Variants in NPSR1 observed in about 807,000 individuals in gnomAD.
NPSR1 encodes the protein neuropeptide S receptor.
A neutral mutation model predicts 46.9 loss-of-function variants in NPSR1; 48 were observed. The ratio of observed to expected loss-of-function variants is 1.02; its 90% CI spans 0.81 to 1.30. The LOEUF (loss-of-function observed/expected upper bound fraction) is 1.30. Ranked by LOEUF, NPSR1 falls within the 50% of genes most tolerant of loss-of-function variation. The probability of loss-of-function intolerance (pLI) is 0.00; values close to 1 mark genes in which losing one functional copy is unlikely to be tolerated. For missense variants in NPSR1, 450 were observed against 449.5 expected, an observed-to-expected ratio of 1.00 and a Z score of -0.01; for synonymous variants, 176 against 168.1, an observed-to-expected ratio of 1.05 and a Z score of -0.36.
intron 2 of NPSR1, among the ~76,000 whole-genome samples, chr7:34,745,611 T>C: frequency 6.6e-6 from 1 of 152,156 alleles, no homozygotes; most frequent in East Asian, 1.9e-4. Flanking sequence ...CTTGAACTCC[T>C]AGGCTCAAGC....
intron 2 of NPSR1, among the ~76,000 whole-genome samples, chr7:34,716,120 G>A (rs986059256): frequency 6.6e-6 from 1 of 152,148 alleles, no homozygotes; most frequent in Non-Finnish European, 1.5e-5. Flanking sequence ...ATGCAAATGG[G>A]TGATCTATGC....
intron 2 of NPSR1, among the ~76,000 whole-genome samples, chr7:34,708,701 C>G (rs930530180): frequency 2.6e-5 from 4 of 152,176 alleles, no homozygotes; most frequent in African/African-American, 9.7e-5. Flanking sequence ...TATTGGAAAC[C>G]TTTTGAATAT....
chr7:34,660,091 C>T (rs765051447), intron 1 of NPSR1: 3 of 456,340 alleles, frequency 6.6e-6, no homozygotes, highest in East Asian at 7.0e-5. Flanking sequence ...TCCCACCTTG[C>T]TCTCTATGAG....
At chr7:34,816,188 T>A (rs13307404) in intron 4 of NPSR1, among the ~76,000 whole-genome samples, 1 of 141,960 alleles carries the variant, frequency 7.0e-6, no homozygotes, top group African/African-American at 2.7e-5. Flanking sequence ...TGTGCAGAGA[T>A]ACACATAGGC....
At position 34,849,808 on chromosome 7, in the gene NPSR1, G is replaced by A; in HGVS notation, c.*153G>A. On this transcript the variant is annotated 3_prime_UTR_variant, in exon 9 of 9. Coordinates refer to ENST00000360581, the MANE Select transcript of NPSR1 (RefSeq NM_207172.2). ...AAGACAAATGTTCTAATGACTGCAT[G>A]CACTGCTTAAGTATTGGCCAACACG... 1 of 1,445,168 alleles carries A rather than the reference G, an allele frequency of 6.9e-7. No homozygotes were observed. Among genetic ancestry groups the A allele is most frequent in the Non-Finnish European group, 9.1e-7 (1 of 1,100,530 alleles). 89.5% of individuals were successfully genotyped at this position (1,445,168 alleles called of 1,614,324 possible).
chr7:34,852,289 G>C (rs1163973846), downstream of NPSR1, among the ~76,000 whole-genome samples: 1 of 152,030 alleles, frequency 6.6e-6, no homozygotes, highest in African/African-American at 2.4e-5. Context: ...GAGAGAGCGA[G>C]AATCCGTCTC....
chr7:34,827,630 C>CAG, intron 5 of NPSR1, 28 bp downstream of exon 5: 1 of 211,202 alleles, frequency 4.7e-6, no homozygotes, highest in Non-Finnish European at 8.7e-6. Context: ...CAGGACCACA[C>CAG]GGGGGGGTGG....
chr7:34,850,032 A>T, downstream of NPSR1: 1 of 972,514 alleles, frequency 1.0e-6, no homozygotes, highest in Non-Finnish European at 1.2e-6. Flanking sequence ...TTCTCATTAC[A>T]ATAGAAGAAA....
chr7:34,713,054 G>A (rs1383193101), intron 2 of NPSR1, among the ~76,000 whole-genome samples: 1 of 152,170 alleles, frequency 6.6e-6, no homozygotes, highest in East Asian at 1.9e-4. Flanking sequence ...GTTAGAGGTG[G>A]ATTACAAGCA....
intron 2 of NPSR1, among the ~76,000 whole-genome samples, chr7:34,745,762 C>T (rs911307397): frequency 2.0e-5 from 3 of 152,206 alleles, no homozygotes; most frequent in Non-Finnish European, 4.4e-5. Flanking sequence ...AGTCCTCCTG[C>T]CTTGGTCTCC....
At chr7:34,677,042 A>C (rs1792354583) in intron 1 of NPSR1, among the ~76,000 whole-genome samples, 1 of 152,180 alleles carries the variant, frequency 6.6e-6, no homozygotes. Context: ...GGGATCACTG[A>C]CTCACCAGCC....
intron 8 of NPSR1, among the ~76,000 whole-genome samples, chr7:34,870,577 G>A (rs1219699737): frequency 6.6e-6 from 1 of 151,734 alleles, no homozygotes; most frequent in Non-Finnish European, 1.5e-5. Context: ...GTAAATGGTT[G>A]GACTGGTGAA....
intron 1 of NPSR1, among the ~76,000 whole-genome samples, chr7:34,661,239 C>G (rs529551117): frequency 6.2e-4 from 94 of 152,276 alleles, no homozygotes; most frequent in African/African-American, 2.2e-3. Flanking sequence ...ACCCAGGTCC[C>G]TTTCTGCAAG....
chr7:34,719,334 G>C (rs913123831), intron 2 of NPSR1: 4 of 152,216 alleles, frequency 2.6e-5, no homozygotes, highest in African/African-American at 9.7e-5. Context: ...AAGGAAGGAG[G>C]CTTTTTCCTT....
At chr7:34,797,829 G>A (rs537226581) in intron 3 of NPSR1, among the ~76,000 whole-genome samples, 36 of 152,252 alleles carry the variant, frequency 2.4e-4, no homozygotes, top group African/African-American at 8.7e-4. Context: ...AATTTCCTCT[G>A]ACTTATCAGA....
At chr7:34,762,070 C>A (rs1427892868) in intron 2 of NPSR1, among the ~76,000 whole-genome samples, 1 of 152,136 alleles carries the variant, frequency 6.6e-6, no homozygotes. Context: ...GTAAGTTTTA[C>A]GAGGACTTGG....
chr7:34,674,187 T>C (rs1583780811), intron 1 of NPSR1, among the ~76,000 whole-genome samples: 2 of 152,300 alleles, frequency 1.3e-5, no homozygotes, highest in Admixed American at 1.3e-4. Context: ...TAGGGTGAGA[T>C]GTGGGAAGAA....
At chr7:34,753,120 GA>G (rs1267009408) in intron 2 of NPSR1, among the ~76,000 whole-genome samples, 1 of 152,130 alleles carries the variant, frequency 6.6e-6, no homozygotes, top group Non-Finnish European at 1.5e-5. Flanking sequence ...AGCACTACAG[GA>G]AGTGGCAAAA....
intron 8 of NPSR1, among the ~76,000 whole-genome samples, chr7:34,876,608 C>T (rs1395693432): frequency 2.0e-5 from 3 of 152,066 alleles, no homozygotes; most frequent in Admixed American, 1.3e-4. Context: ...CAGTTTTTGC[C>T]ATTACTTTTA....
Sources: gnomAD v4.1 joint callset for allele counts (sites outside exome capture counted in the v4.1 genomes callset) on GRCh38, gnomAD v4.1.1 for gene constraint, MANE v1.5 for transcripts, NCBI Gene and HGNC (gene_info 2026-07-23, HGNC 2026-07-21) for gene names.